The following GLUD1 variants were observed in gnomAD, a reference collection of about 807,000 sequenced individuals.
GLUD1 encodes glutamate dehydrogenase 1, also known as glutamate dehydrogenase 1, mitochondrial.
GLUD1 carries 22 observed loss-of-function variants against 56.0 expected under a neutral mutation model. The observed-to-expected ratio is 0.39, with a 90% CI of 0.28 to 0.56. The LOEUF (loss-of-function observed/expected upper bound fraction) is 0.56. Ranked by LOEUF, GLUD1 falls within the 20% of genes least tolerant of loss-of-function variation. The pLI is 0.58. For synonymous variants in GLUD1, 223 were observed against 269.9 expected, an observed-to-expected ratio of 0.83 and a Z score of 1.70; for missense variants, 451 against 732.0, an observed-to-expected ratio of 0.62 and a Z score of 4.43.
intron 4 of GLUD1, among the ~76,000 whole-genome samples, chr10:87,068,457 G>A (rs1846136513): frequency 6.6e-6 from 1 of 152,208 alleles, no homozygotes; most frequent in Admixed American, 6.5e-5. Flanking sequence ...GCGACCAGAG[G>A]TTAATCAGTT....
rs1247716286 is a variant in GLUD1, at chr10:87,094,591, C to G, written c.179G>C (p.Arg60Pro). Residue 60 changes from arginine (R) to proline (P), a missense_variant, in exon 1 of 13, where the codon CGC becomes CCC. Physicochemically the swap from Arg to Pro is moderately radical, Grantham distance 103. Around this residue, in one of 4 missense-constraint regions of GLUD1, gnomAD observed 158 missense variants for 189.7 expected, o/e 0.83. Transcript: ENST00000277865. The surrounding 1 kb of genome is among the most constrained non-coding windows in gnomAD (Gnocchi z 6.6). ...RRHYSEAVAD[R>P]EDDPNFFKMV... ...CTTGAAGAAGTTGGGGTCGTCCTCG[C>G]GGTCGGCCACCGCCTCGCTGTAGTG... 6.2e-7 allele frequency: 1 copy of G among 1,611,234 alleles called. No homozygotes were observed. Among genetic ancestry groups the G allele is most frequent in the South Asian group, 1.1e-5 (1 of 90,992 alleles).
At chr10:87,073,035 A>T (rs542387566) in intron 4 of GLUD1, among the ~76,000 whole-genome samples, 1 of 152,350 alleles carries the variant, frequency 6.6e-6, no homozygotes, top group East Asian at 1.9e-4. Context: ...AGACAGGCCA[A>T]ATCTAGTCAA....
chr10:87,075,539 A>T (rs1227552054), intron 3 of GLUD1, among the ~76,000 whole-genome samples: 1 of 152,194 alleles, frequency 6.6e-6, no homozygotes, highest in African/African-American at 2.4e-5. Context: ...CCATTTGAAA[A>T]GCAATGGGGA....
intron 1 of GLUD1, among the ~76,000 whole-genome samples, chr10:87,083,719 T>A: frequency 6.6e-6 from 1 of 152,204 alleles, no homozygotes; most frequent in Non-Finnish European, 1.5e-5. Context: ...GCATGGTGGC[T>A]CATGCCTGTA....
intron 1 of GLUD1, among the ~76,000 whole-genome samples, chr10:87,077,385 CAG>C (rs530565590): frequency 1.7e-4 from 26 of 152,012 alleles, no homozygotes; most frequent in Non-Finnish European, 3.5e-4. Flanking sequence ...TATGTCTAAA[CAG>C]AGGTTTTGGC....
chr10:87,079,601 C>T (rs962827898), intron 1 of GLUD1, among the ~76,000 whole-genome samples: 13 of 152,142 alleles, frequency 8.5e-5, no homozygotes, highest in African/African-American at 2.9e-4. Context: ...CTGCACCATC[C>T]GCTTGCATGG....
chr10:87,088,520 C>T (rs1391816710), intron 1 of GLUD1, among the ~76,000 whole-genome samples: 5 of 151,970 alleles, frequency 3.3e-5, no homozygotes, highest in South Asian at 2.1e-4. Flanking sequence ...TTTCTTTGCT[C>T]TTTCTCTCTT....
chr10:87,078,813 T>C (rs977746101), intron 1 of GLUD1, among the ~76,000 whole-genome samples: 4 of 152,140 alleles, frequency 2.6e-5, no homozygotes, highest in Non-Finnish European at 4.4e-5. Context: ...TCGAGATAGA[T>C]TGCACAGCAT....
At chr10:87,061,103 A>C in intron 6 of GLUD1, 51 bp from the exon 7 acceptor site, 2 of 1,500,214 alleles carry the variant, frequency 1.3e-6, no homozygotes, top group Non-Finnish European at 1.9e-6. Context: ...TGGTATAGAC[A>C]GCAAGAGTCA....
At position 87,060,805 on chromosome 10, in the gene GLUD1, G is replaced by C; in HGVS notation, c.1080C>G (p.Gly360=). 6.2e-7 allele frequency: 1 copy of C among 1,614,176 alleles called. No individual in the cohort carries two copies. The highest frequency in any genetic ancestry group is 8.5e-7 in the Non-Finnish European group (1 of 1,180,038). Residue 360 remains glycine, a synonymous_variant, in exon 8 of 13, where the codon GGC becomes GGG. Coordinates refer to ENST00000277865, the MANE Select transcript of GLUD1 (RefSeq NM_005271.5). ...CTTCATAGGGCTTTGCCTTGGGGAA[G>C]CCCAGAATGGACCCATGTTGCTGCC... ...DFKLQHGSIL[G]FPKAKPYEGS...
chr10:87,080,875 C>T (rs1348564217), intron 1 of GLUD1, among the ~76,000 whole-genome samples: 42 of 149,912 alleles, frequency 2.8e-4, no homozygotes, highest in African/African-American at 9.1e-4. Flanking sequence ...CCCGGCCAGC[C>T]GCCCCGTCCG....
chr10:87,089,688 C>T, intron 1 of GLUD1: 1 of 981,890 alleles, frequency 1.0e-6, no homozygotes, highest in Non-Finnish European at 1.2e-6. Flanking sequence ...AGTTTGTCTT[C>T]TTGTCCTTAA....
At chr10:87,085,442 A>AT (rs1487815089) in intron 1 of GLUD1, among the ~76,000 whole-genome samples, 1 of 152,026 alleles carries the variant, frequency 6.6e-6, no homozygotes, top group African/African-American at 2.4e-5. Context: ...ACCATCTTAG[A>AT]TTTTTAATCC....
intron 9 of GLUD1, among the ~76,000 whole-genome samples, chr10:87,059,670 C>T (rs1845877497): frequency 6.6e-6 from 1 of 152,194 alleles, no homozygotes; most frequent in Non-Finnish European, 1.5e-5. Flanking sequence ...ATTTCAGTTA[C>T]ATTAAATGTC....
At chr10:87,085,034 A>G (rs7077790) in intron 1 of GLUD1, among the ~76,000 whole-genome samples, 48,636 of 152,056 alleles carry the variant, frequency 0.32, 7,844 homozygotes, top group Middle Eastern at 0.36. Context: ...AGCACTGCAT[A>G]TAGGAGCTAA....
chr10:87,078,596 T>C (rs1321797070), intron 1 of GLUD1, among the ~76,000 whole-genome samples: 1 of 152,182 alleles, frequency 6.6e-6, no homozygotes, highest in African/African-American at 2.4e-5. Flanking sequence ...CGAATTAATA[T>C]ACGAATATTC....
intron 11 of GLUD1, among the ~76,000 whole-genome samples, chr10:87,056,052 G>A (rs1244318323): frequency 7.3e-6 from 1 of 136,556 alleles, no homozygotes; most frequent in Non-Finnish European, 1.5e-5. Flanking sequence ...GGAGGCAGAG[G>A]TTGCAGTGAG....
rs139894824 is a variant in GLUD1, at chr10:87,085,939, C to T, written c.445+8386G>A. Among the ~76,000 whole-genome samples, 109 of 152,210 alleles carry T rather than the reference C, an allele frequency of 7.2e-4. No homozygotes were observed. In the East Asian group the frequency reaches 0.016, roughly 23 times the overall value. On this transcript the variant is annotated intron_variant, in intron 1 of 12. Coordinates refer to ENST00000277865, the MANE Select transcript of GLUD1 (RefSeq NM_005271.5). Reference sequence around the variant, plus strand: ...TTTCACACCAAACAGGTCTTGGAATCGGAAATGATGCTAGTTAAAATGGTG... The same window carrying T: ...TTTCACACCAAACAGGTCTTGGAATTGGAAATGATGCTAGTTAAAATGGTG...
chr10:87,084,411 T>C (rs1021641826), intron 1 of GLUD1, among the ~76,000 whole-genome samples: 1 of 152,220 alleles, frequency 6.6e-6, no homozygotes, highest in African/African-American at 2.4e-5. Flanking sequence ...TAAGTTTCTC[T>C]AGGAGAAATA....
Sources: gnomAD v4.1 joint callset for allele counts (sites outside exome capture counted in the v4.1 genomes callset) on GRCh38, gnomAD v4.1.1 for gene constraint, gnomAD v4.1.1 regional missense constraint, Gnocchi (gnomAD v3.1) non-coding constraint, MANE v1.5 for transcripts, NCBI Gene and HGNC (gene_info 2026-07-23, HGNC 2026-07-21) for gene names.